KIAA1958: variants seen among roughly 807,000 people sequenced by gnomAD.
KIAA1958 encodes the protein KIAA1958.
A neutral mutation model predicts 47.2 loss-of-function variants in KIAA1958; 14 were observed. The ratio of observed to expected loss-of-function variants is 0.30; its 90% confidence interval spans 0.20 to 0.46. The LOEUF (loss-of-function observed/expected upper bound fraction) is 0.46, where lower values mean the gene tolerates loss of function less well. KIAA1958 is among the 20% of genes least tolerant of loss of function. KIAA1958 has a pLI of 1.00. For synonymous variants in KIAA1958, 354 were observed against 353.3 expected, an observed-to-expected ratio of 1.00 and a Z score of -0.02; for missense variants, 803 against 909.2, an observed-to-expected ratio of 0.88 and a Z score of 1.50.
chr9:112,500,860 G>A (rs1564150160), intron 1 of KIAA1958, among the ~76,000 whole-genome samples: 1 of 151,806 alleles, frequency 6.6e-6, no homozygotes, highest in Non-Finnish European at 1.5e-5. Flanking sequence ...TGTAATCCCA[G>A]TATTTTGGAA....
chr9:112,559,359 GCT>G (rs2131157386), intron 1 of KIAA1958, among the ~76,000 whole-genome samples: 1 of 152,306 alleles, frequency 6.6e-6, no homozygotes, highest in African/African-American at 2.4e-5. Context: ...AGAGTGATGT[GCT>G]CTAGCAAAGG....
Position 112,618,601 on chromosome 9 carries a change from G to A in KIAA1958, c.1172-27049G>A. The A allele has an allele frequency of 6.4e-7, 1 of 1,550,678 alleles. No individual in the cohort carries two copies. Among genetic ancestry groups the A allele is most frequent in the Non-Finnish European group, 8.7e-7 (1 of 1,147,008 alleles). ...GGCGGCCTCCCGCCATGCGCTACGA[G>A]GATGCCCCTTTCTACTTATCCATCA... On this transcript the variant is annotated intron_variant, in intron 2 of 3. Transcript: ENST00000337530. This position sits in a 1 kb window ranked among gnomAD's most constrained non-coding sequence, Gnocchi z 7.1.
chr9:112,513,644 G>A lies in KIAA1958; in HGVS notation c.-25+26526G>A, dbSNP rs1390459986. On this transcript the variant is annotated intron_variant, in intron 1 of 3. Coordinates refer to ENST00000337530, the MANE Select transcript of KIAA1958 (RefSeq NM_133465.4). Reference sequence around the variant, plus strand: ...GCCGCCCGACCGCCGGGAGGATGGAGTTCAGCGGGCAGCGGAGCTGTCTCA... The same window carrying A: ...GCCGCCCGACCGCCGGGAGGATGGAATTCAGCGGGCAGCGGAGCTGTCTCA... 3.3e-5 allele frequency among the ~76,000 whole-genome samples: 4 copies of A among 120,944 alleles called. No homozygotes were observed. In the East Asian group the frequency reaches 9.3e-4, roughly 28 times the overall value. The allele number at this position is 120,944 out of a possible 152,430, so 79.3% of individuals were successfully genotyped here. A position where few individuals can be genotyped will look rare whatever the true frequency, so the allele number is the denominator to read the frequency against.
chr9:112,593,624 G>T (rs1588032393), intron 2 of KIAA1958, among the ~76,000 whole-genome samples: 1 of 152,092 alleles, frequency 6.6e-6, no homozygotes, highest in East Asian at 1.9e-4. Context: ...TATCACCCAG[G>T]CTGGTCTTGA....
chr9:112,567,019 A>C (rs932451815), intron 1 of KIAA1958, among the ~76,000 whole-genome samples: 1 of 152,202 alleles, frequency 6.6e-6, no homozygotes, highest in African/African-American at 2.4e-5. Context: ...AAACATTATG[A>C]CATAGAATTA....
chr9:112,502,269 T>C (rs575190237), intron 1 of KIAA1958, among the ~76,000 whole-genome samples: 1 of 152,374 alleles, frequency 6.6e-6, no homozygotes, highest in Non-Finnish European at 1.5e-5. Context: ...ACTCAGATAA[T>C]AAACAAGACA....
At chr9:112,586,983 C>T (rs1835837680) in intron 2 of KIAA1958, among the ~76,000 whole-genome samples, 1 of 152,126 alleles carries the variant, frequency 6.6e-6, no homozygotes. Context: ...CTTCTCCCCA[C>T]AGGTAGAGCT....
intron 2 of KIAA1958, among the ~76,000 whole-genome samples, chr9:112,585,940 T>C (rs1393701125): frequency 6.6e-6 from 1 of 152,204 alleles, no homozygotes; most frequent in East Asian, 1.9e-4. Flanking sequence ...CAAATACCCA[T>C]TGGAAGCCTA....
intron 1 of KIAA1958, among the ~76,000 whole-genome samples, chr9:112,557,286 T>TGTTA (rs1371750622): frequency 6.6e-6 from 1 of 152,134 alleles, no homozygotes; most frequent in East Asian, 1.9e-4. Context: ...GCCTTCTGTG[T>TGTTA]GTTAGGCTTT....
At chr9:112,595,574 G>A (rs187448451) in intron 2 of KIAA1958, among the ~76,000 whole-genome samples, 126 of 151,594 alleles carry the variant, frequency 8.3e-4, no homozygotes, top group Admixed American at 1.6e-3. Flanking sequence ...GGGGTAGGCG[G>A]AGCTGAGGCA....
At chr9:112,592,897 T>C (rs1434252321) in intron 2 of KIAA1958, among the ~76,000 whole-genome samples, 3 of 152,192 alleles carry the variant, frequency 2.0e-5, no homozygotes, top group African/African-American at 7.2e-5. Context: ...CTGAATGGGC[T>C]TGTGTCAATT....
Position 112,511,888 on chromosome 9 carries a change from A to G in KIAA1958, c.-25+24770A>G, listed in dbSNP as rs1388148800. ...ATATTAAAAGGATAATAAGAGACTT[A>G]TGGTCAACCTTATGCAGGTAAATTT... On this transcript the variant is annotated intron_variant, in intron 1 of 3. Coordinates refer to ENST00000337530, the MANE Select transcript of KIAA1958 (RefSeq NM_133465.4). Among the ~76,000 whole-genome samples the G allele has an allele frequency of 2.0e-5, 3 of 152,258 alleles. No individual in the cohort carries two copies. In the East Asian group the frequency reaches 5.8e-4, roughly 29 times the overall value.
At chr9:112,533,844 CGTG>C (rs1281347880) in intron 1 of KIAA1958, among the ~76,000 whole-genome samples, 1 of 152,042 alleles carries the variant, frequency 6.6e-6, no homozygotes, top group East Asian at 1.9e-4. Flanking sequence ...GCCCTTGACA[CGTG>C]GGGATTGTGG....
chr9:112,542,510 CTT>C (rs1656023474), intron 1 of KIAA1958, among the ~76,000 whole-genome samples: 1 of 152,182 alleles, frequency 6.6e-6, no homozygotes, highest in African/African-American at 2.4e-5. Flanking sequence ...CTCTACAACT[CTT>C]TGCATTTTAC....
chr9:112,617,837 C>T, intron 2 of KIAA1958: 1 of 1,498,296 alleles, frequency 6.7e-7, no homozygotes, highest in Non-Finnish European at 9.0e-7. Context: ...CTCATCAACA[C>T]CCTCTCTATC....
At chr9:112,527,658 C>T (rs1009716756) in intron 1 of KIAA1958, among the ~76,000 whole-genome samples, 1 of 152,068 alleles carries the variant, frequency 6.6e-6, no homozygotes, top group Non-Finnish European at 1.5e-5. Flanking sequence ...AGAGGCTGGG[C>T]GTGGTGGCTC....
At chr9:112,630,269 T>G (rs1349948193) in intron 2 of KIAA1958, among the ~76,000 whole-genome samples, 1 of 152,202 alleles carries the variant, frequency 6.6e-6, no homozygotes, top group African/African-American at 2.4e-5. Context: ...AACTCACTTG[T>G]TTTTGTGTGG....
At chr9:112,628,919 A>C (rs926227476) in intron 2 of KIAA1958, among the ~76,000 whole-genome samples, 2 of 152,174 alleles carry the variant, frequency 1.3e-5, no homozygotes, top group Non-Finnish European at 2.9e-5. Context: ...TGTAGCCTGA[A>C]AATGTAACTC....
chr9:112,487,192 TG>T (rs1360483992), intron 1 of KIAA1958, 74 bp downstream of exon 1: 3 of 181,442 alleles, frequency 1.7e-5, no homozygotes, highest in South Asian at 1.6e-4. Context: ...CCCCTTTGTG[TG>T]GGGGGCGGCC....
Sources: allele counts gnomAD v4.1 joint callset (sites outside exome capture counted in the v4.1 genomes callset), GRCh38; gene constraint gnomAD v4.1.1; non-coding constraint Gnocchi (gnomAD v3.1); transcripts MANE v1.5; gene names NCBI Gene and HGNC (gene_info 2026-07-23, HGNC 2026-07-21).